Variants in TSPAN11 observed in about 807,000 individuals in gnomAD.
The protein encoded by TSPAN11 is tetraspanin 11.
A neutral mutation model predicts 32.9 loss-of-function variants in TSPAN11; 29 were observed. The observed-to-expected ratio is 0.88, with a 90% confidence interval of 0.66 to 1.20. The LOEUF is 1.20. TSPAN11 is among the 50% of genes most tolerant of loss of function. The pLI is 0.00. For synonymous variants in TSPAN11, 140 were observed against 141.3 expected, an observed-to-expected ratio of 0.99 and a Z score of 0.07; for missense variants, 283 against 329.1, an observed-to-expected ratio of 0.86 and a Z score of 1.08.
intron 3 of TSPAN11, among the ~76,000 whole-genome samples, chr12:30,968,198 T>C (rs1257164715): frequency 6.6e-6 from 1 of 152,206 alleles, no homozygotes; most frequent in Non-Finnish European, 1.5e-5. Flanking sequence ...CTAGACCAAG[T>C]GGTCCCTGAG....
chr12:30,940,067 A>G (rs1302099550), intron 1 of TSPAN11, among the ~76,000 whole-genome samples: 1 of 152,208 alleles, frequency 6.6e-6, no homozygotes, highest in Non-Finnish European at 1.5e-5. Flanking sequence ...AAGACTCCCA[A>G]AGGGCCCTGT....
Position 30,983,061 on chromosome 12 carries a change from C to T in TSPAN11, c.616-3C>T, listed in dbSNP as rs747808936. 1 of 1,612,192 alleles carries T rather than the reference C, an allele frequency of 6.2e-7. No individual in the cohort carries two copies. ...GGCCGCATCACCTGCCCTTCTCTTA[C>T]AGGGAGGCTGCCTCACCAAGCTGGA... On this transcript the variant is annotated splice_region_variant and splice_polypyrimidine_tract_variant and intron_variant, in intron 6 of 7. Transcript: ENST00000546076.
Position 30,992,108 on chromosome 12 carries a change from C to G in TSPAN11, c.*193C>G. 1 of 636,322 alleles carries G rather than the reference C, an allele frequency of 1.6e-6. No homozygotes were observed. Among genetic ancestry groups the G allele is most frequent in the Non-Finnish European group, 2.8e-6 (1 of 357,284 alleles). The allele number at this position is 636,322 out of a possible 1,614,324, so 39.4% of individuals were successfully genotyped here. A position where few individuals can be genotyped will look rare whatever the true frequency, so the allele number is the denominator to read the frequency against. On this transcript the variant is annotated 3_prime_UTR_variant, in exon 8 of 8. Transcript: ENST00000546076. ...CACCCAGGCAGAGACCCTCGGCCCC[C>G]TCTCCTCCATTTCTGAGCCCCCATG...
chr12:30,942,165 T>C (rs183577839), intron 1 of TSPAN11, among the ~76,000 whole-genome samples: 5 of 152,346 alleles, frequency 3.3e-5, no homozygotes, highest in Non-Finnish European at 7.4e-5. Flanking sequence ...TTGTCCTTCA[T>C]CGGGAAGCTC....
intron 6 of TSPAN11, 34 bp downstream of exon 6, chr12:30,982,724 A>AG: frequency 1.3e-6 from 2 of 1,529,252 alleles, no homozygotes; most frequent in Non-Finnish European, 8.8e-7. Context: ...GGGTGAGGAG[A>AG]GGGCCCTGGC....
the TSPAN11 span, among the ~76,000 whole-genome samples, chr12:31,010,495 C>T: frequency 2.6e-5 from 4 of 152,074 alleles, no homozygotes; most frequent in Non-Finnish European, 5.9e-5. Context: ...GGGTGGGCAA[C>T]TTTAAAGCAG....
the TSPAN11 span, among the ~76,000 whole-genome samples, chr12:31,002,178 CAG>C: frequency 1.4e-4 from 22 of 152,268 alleles, no homozygotes; most frequent in African/African-American, 5.1e-4. The surrounding 1 kb of genome is among the most constrained non-coding windows in gnomAD (Gnocchi z 4.8). Flanking sequence ...CCTTCAGACA[CAG>C]AGTGGTCTCT....
intron 1 of TSPAN11, among the ~76,000 whole-genome samples, chr12:30,941,038 C>T (rs186888292): frequency 9.2e-5 from 14 of 152,304 alleles, no homozygotes; most frequent in Admixed American, 8.5e-4. Context: ...TTGTCTTCCA[C>T]GAAACCAGTC....
intron 7 of TSPAN11, among the ~76,000 whole-genome samples, chr12:30,986,130 C>T (rs1939196323): frequency 6.6e-6 from 1 of 152,180 alleles, no homozygotes; most frequent in Non-Finnish European, 1.5e-5. Context: ...GAGCAGACAC[C>T]AGGCATTTAT....
the TSPAN11 span, among the ~76,000 whole-genome samples, chr12:31,010,272 C>A: frequency 1.3e-5 from 2 of 152,194 alleles, no homozygotes; most frequent in Non-Finnish European, 2.9e-5. Context: ...ATGTCACCAC[C>A]CTACCTTGGG....
At chr12:30,979,924 C>T (rs538605119) in intron 5 of TSPAN11, among the ~76,000 whole-genome samples, 2 of 152,238 alleles carry the variant, frequency 1.3e-5, no homozygotes, top group Non-Finnish European at 2.9e-5. Context: ...CCAGGCCCCA[C>T]CCCTGCTGCC....
chr12:30,941,859 CAG>C (rs2140275582), intron 1 of TSPAN11, among the ~76,000 whole-genome samples: 1 of 152,392 alleles, frequency 6.6e-6, no homozygotes, highest in Non-Finnish European at 1.5e-5. Flanking sequence ...TTGTTGAAAA[CAG>C]AGATGAAGGG....
intron 1 of TSPAN11, among the ~76,000 whole-genome samples, chr12:30,950,993 TTAAG>T (rs1445797938): frequency 6.6e-6 from 1 of 152,208 alleles, no homozygotes; most frequent in Non-Finnish European, 1.5e-5. Flanking sequence ...ATTAACAGTA[TTAAG>T]TGAGGGATAA....
rs538203096 is a variant in TSPAN11 at position 30,960,544 on chromosome 12, TCTCTCGGC to T, written c.85-3280_85-3273del. Among the ~76,000 whole-genome samples the T allele has an allele frequency of 2.8e-4, 42 of 152,122 alleles. 2 individuals carry two copies. Among genetic ancestry groups the T allele is most frequent in the African/African-American group, 9.2e-4 (38 of 41,368 alleles). ...TTTCCTCCAGGTCTGCTGCCTTATTTCTCTCGGCCCCTCAGGCATGTGCAGCCACTCAG... is the reference window on the plus strand; with the variant it reads ...TTTCCTCCAGGTCTGCTGCCTTATTTCCCTCAGGCATGTGCAGCCACTCAG... On this transcript the variant is annotated intron_variant, in intron 2 of 7. Coordinates refer to ENST00000546076, the MANE Select transcript of TSPAN11 (RefSeq NM_001370302.1).
chr12:30,958,563 G>A (rs1253546665), intron 2 of TSPAN11, among the ~76,000 whole-genome samples: 1 of 152,184 alleles, frequency 6.6e-6, no homozygotes, highest in Admixed American at 6.5e-5. Context: ...TGCAGTCTAA[G>A]GTTCAGCTGA....
chr12:31,008,589 C>T, the TSPAN11 span, among the ~76,000 whole-genome samples: 2 of 152,208 alleles, frequency 1.3e-5, no homozygotes, highest in Non-Finnish European at 2.9e-5. Context: ...CTGCTGGCCT[C>T]CCGGAGCCCA....
Position 30,995,824 on chromosome 12 carries a change from C to G in TSPAN11, c.*3909C>G, listed in dbSNP as rs923270084. 1 of 152,204 alleles carries G rather than the reference C, an allele frequency of 6.6e-6. No homozygotes were observed. The highest frequency in any genetic ancestry group is 1.5e-5 in the Non-Finnish European group (1 of 68,090). The allele number at this position is 152,204 out of a possible 1,614,324, so 9.4% of individuals were successfully genotyped here. On this transcript the variant is annotated 3_prime_UTR_variant, in exon 8 of 8. Transcript: ENST00000546076. ...GGCCCCACCCCCCAGAATTTCTCAT[C>G]AGGAGTGGGCAAGACCAATCATTTG...
chr12:31,008,508 T>G, the TSPAN11 span, among the ~76,000 whole-genome samples: 1 of 152,128 alleles, frequency 6.6e-6, no homozygotes, highest in Non-Finnish European at 1.5e-5. Flanking sequence ...GAGCTGGTAG[T>G]GGAGAGAGGT....
chr12:30,942,061 G>A (rs1480322959), intron 1 of TSPAN11, among the ~76,000 whole-genome samples: 1 of 152,216 alleles, frequency 6.6e-6, no homozygotes, highest in Admixed American at 6.5e-5. Flanking sequence ...CTAGCAGGCC[G>A]GTGGGCTGAG....
Sources: gnomAD v4.1 joint callset for allele counts (sites outside exome capture counted in the v4.1 genomes callset) on GRCh38, gnomAD v4.1.1 for gene constraint, Gnocchi (gnomAD v3.1) non-coding constraint, MANE v1.5 for transcripts, NCBI Gene and HGNC (gene_info 2026-07-23, HGNC 2026-07-21) for gene names.